SPECC1: variants seen among roughly 807,000 people sequenced by gnomAD.
SPECC1 encodes the protein cytospin-B.
In SPECC1, 62 loss-of-function variants were observed where a neutral mutation model predicts 104.1. The observed-to-expected ratio is 0.60, with a 90% CI of 0.49 to 0.74. The LOEUF (loss-of-function observed/expected upper bound fraction) is 0.74. Among genes scored for constraint, SPECC1 ranks in the 30% least tolerant of loss-of-function variants. The pLI, the probability that SPECC1 is intolerant of heterozygous loss-of-function variation, is 0.00. For missense variants in SPECC1, 1,306 were observed against 1,310.5 expected, an observed-to-expected ratio of 1.00 and a Z score of 0.05; for synonymous variants, 513 against 501.6, an observed-to-expected ratio of 1.02 and a Z score of -0.30.
rs1420200225 is a variant in SPECC1, at chr17:20,257,579, C to T, written c.2809C>T (p.Arg937Trp). The change falls in exon 11 of 15, where the codon CGG (arginine) becomes TGG (tryptophan). Residue 937 changes from arginine (R) to tryptophan (W), a missense_variant. This residue lies in a region of SPECC1 where 129 missense variants were observed against 170.6 expected (regional missense o/e 0.76). Coordinates refer to ENST00000395527, the MANE Select transcript of SPECC1 (RefSeq NM_001243439.2). Reference protein sequence around the residue: ...GDTRLLSASTRAWKPQSKLSV... With the variant: ...GDTRLLSASTWAWKPQSKLSV... ...CACAAGACTGCTGAGTGCTTCCACC[C>T]GGGCATGGAAACCACAAAGCAAACT... The T allele has an allele frequency of 3.7e-6, 6 of 1,612,556 alleles. No individual in the cohort carries two copies. The highest frequency in any genetic ancestry group is 2.7e-5 in the African/African-American group (2 of 74,758).
At position 20,305,033 on chromosome 17, in the gene SPECC1, TA is replaced by T. The variant is rs2041718820; in HGVS notation, c.3058-986del. ...GGCAGGGTCCAAATCTGGGGCACAC[TA>T]AAATGTGGGGTGATTTTGGGCGACT... On this transcript the variant is annotated intron_variant, in intron 13 of 14. Coordinates refer to ENST00000395527, the MANE Select transcript of SPECC1 (RefSeq NM_001243439.2). Among the ~76,000 whole-genome samples, 6 of 152,212 alleles carry T rather than the reference TA, an allele frequency of 3.9e-5. No homozygotes were observed. The South Asian group carries it at 1.2e-3, about 32-fold the overall frequency.
At chr17:20,178,846 AGGACTCATG>A (rs1363869550) in intron 3 of SPECC1, among the ~76,000 whole-genome samples, 1 of 152,264 alleles carries the variant, frequency 6.6e-6, no homozygotes, top group East Asian at 1.9e-4. Context: ...TCAGATTGAA[AGGACTCATG>A]GAATTCTTTT....
intron 3 of SPECC1, among the ~76,000 whole-genome samples, chr17:20,118,437 G>A (rs2048870200): frequency 6.6e-6 from 1 of 152,170 alleles, no homozygotes; most frequent in South Asian, 2.1e-4. Flanking sequence ...ATACAGGGCT[G>A]GTTGAACAAT....
intron 3 of SPECC1, among the ~76,000 whole-genome samples, chr17:20,125,912 C>T (rs16960700): frequency 0.25 from 37,855 of 152,054 alleles, 5,919 homozygotes; most frequent in African/African-American, 0.45. Flanking sequence ...CTGCGTTTCC[C>T]GGGAGTACAT....
intron 4 of SPECC1, among the ~76,000 whole-genome samples, chr17:20,209,221 G>A (rs1567943313): frequency 6.6e-6 from 1 of 152,098 alleles, no homozygotes; most frequent in Non-Finnish European, 1.5e-5. Flanking sequence ...GCAGGTATCG[G>A]AGTAACTGTC....
At chr17:20,047,790 G>C (rs1187322103) in intron 1 of SPECC1, among the ~76,000 whole-genome samples, 3 of 151,860 alleles carry the variant, frequency 2.0e-5, no homozygotes, top group Non-Finnish European at 2.9e-5. Context: ...GTAGAGATGG[G>C]GTTTCACCGT....
intron 3 of SPECC1, among the ~76,000 whole-genome samples, chr17:20,133,212 C>T (rs1459376543): frequency 2.6e-5 from 4 of 151,870 alleles, no homozygotes; most frequent in Admixed American, 6.6e-5. Flanking sequence ...TTGTCTCACT[C>T]GTTTTTCTCT....
intron 12 of SPECC1, among the ~76,000 whole-genome samples, chr17:20,265,346 T>C (rs1015461214): frequency 6.6e-6 from 1 of 152,252 alleles, no homozygotes; most frequent in African/African-American, 2.4e-5. Flanking sequence ...TGATTCGTAT[T>C]TCTTTGAAGA....
chr17:20,052,690 T>C (rs917191978), intron 1 of SPECC1, among the ~76,000 whole-genome samples: 2 of 152,174 alleles, frequency 1.3e-5, no homozygotes, highest in Admixed American at 1.3e-4. Context: ...CTTAGATACG[T>C]GGCCCAATCA....
At chr17:20,130,832 A>G (rs190475655) in intron 3 of SPECC1, among the ~76,000 whole-genome samples, 1 of 152,206 alleles carries the variant, frequency 6.6e-6, no homozygotes, top group Non-Finnish European at 1.5e-5. Context: ...TGTTTTTACT[A>G]TGTTGAATCT....
chr17:20,218,933 T>C (rs1476778953), intron 4 of SPECC1, among the ~76,000 whole-genome samples: 1 of 152,218 alleles, frequency 6.6e-6, no homozygotes, highest in African/African-American at 2.4e-5. Flanking sequence ...CTTATTTCAC[T>C]TAACATAATG....
At chr17:20,107,049 A>G (rs772673802) in intron 2 of SPECC1, among the ~76,000 whole-genome samples, 1 of 146,786 alleles carries the variant, frequency 6.8e-6, no homozygotes, top group African/African-American at 2.6e-5. Flanking sequence ...CCCAACTACT[A>G]CTTGGGAGGA....
intron 3 of SPECC1, among the ~76,000 whole-genome samples, chr17:20,171,306 G>A (rs2034072040): frequency 6.6e-6 from 1 of 152,154 alleles, no homozygotes; most frequent in Admixed American, 6.5e-5. Flanking sequence ...CAACTTCCCT[G>A]ACAGCCTGTG....
At chr17:20,168,771 GTGCTTGTA>G (rs1242958198) in intron 3 of SPECC1, among the ~76,000 whole-genome samples, 2 of 152,194 alleles carry the variant, frequency 1.3e-5, no homozygotes, top group African/African-American at 4.8e-5. Flanking sequence ...ATATATGTGT[GTGCTTGTA>G]TGCTTGAATG....
chr17:20,069,392 A>G (rs1006112718), intron 1 of SPECC1, among the ~76,000 whole-genome samples: 4 of 152,118 alleles, frequency 2.6e-5, no homozygotes, highest in African/African-American at 9.7e-5. Context: ...GTCTTTGCTT[A>G]CTTCTGCTTT....
intron 7 of SPECC1, among the ~76,000 whole-genome samples, chr17:20,234,923 A>T (rs1490066676): frequency 6.6e-6 from 1 of 152,220 alleles, no homozygotes; most frequent in Non-Finnish European, 1.5e-5. Flanking sequence ...AGATATTTTT[A>T]TTTCAGAGTC....
chr17:20,298,921 A>AAGAGAGAGAGAGAGAGAGGG (rs2041446862), intron 13 of SPECC1, among the ~76,000 whole-genome samples: 1 of 72,754 alleles, frequency 1.4e-5, no homozygotes, highest in East Asian at 1.9e-3. Flanking sequence ...GCAGAACCAA[A>AAGAGAGAGAGAGAGAGAGGG]AGAGAGAGAG....
chr17:20,060,188 G>C (rs971413387), intron 1 of SPECC1, among the ~76,000 whole-genome samples: 3 of 151,908 alleles, frequency 2.0e-5, no homozygotes, highest in Admixed American at 6.6e-5. Context: ...CTCTATAGTT[G>C]TGGTCTTTTC....
intron 3 of SPECC1, among the ~76,000 whole-genome samples, chr17:20,149,734 G>A (rs1409637722): frequency 1.3e-5 from 2 of 152,144 alleles, no homozygotes; most frequent in African/African-American, 4.8e-5. Flanking sequence ...ACCTTGGGGT[G>A]GACTTGGGGA....
Sources: allele counts gnomAD v4.1 joint callset (sites outside exome capture counted in the v4.1 genomes callset), GRCh38; gene constraint gnomAD v4.1.1; regional missense constraint gnomAD v4.1.1; transcripts MANE v1.5; gene names NCBI Gene and HGNC (gene_info 2026-07-23, HGNC 2026-07-21).